CNGB3: variants seen among roughly 807,000 people sequenced by gnomAD.
CNGB3 encodes the protein cyclic nucleotide-gated channel beta-3.
A neutral mutation model predicts 92.8 loss-of-function variants in CNGB3; 86 were observed. That is an observed-to-expected ratio of 0.93 (90% confidence interval 0.78 to 1.11). CNGB3 has a LOEUF of 1.11. Among genes scored for constraint, CNGB3 ranks in the 50% least tolerant of loss-of-function variants. The pLI, the probability that CNGB3 is intolerant of heterozygous loss-of-function variation, is 0.00. For synonymous variants in CNGB3, 333 were observed against 332.7 expected (o/e 1.00, Z -0.01); for missense variants, 1,026 against 956.8 (o/e 1.07, Z -0.95).
chr8:86,679,912 A>C (rs780605024), intron 3 of CNGB3, among the ~76,000 whole-genome samples: 1 of 152,210 alleles, frequency 6.6e-6, no homozygotes, highest in Non-Finnish European at 1.5e-5. Flanking sequence ...ATATGGAAAT[A>C]CAGCAAGAAG....
chr8:86,659,618 C>G, intron 6 of CNGB3: 1 of 528,632 alleles, frequency 1.9e-6, no homozygotes, highest in Non-Finnish European at 3.7e-6. Context: ...CTCTCCCACA[C>G]GCGCCAGGAA....
chr8:86,593,508 A>T (rs1019519835), intron 15 of CNGB3, among the ~76,000 whole-genome samples: 1 of 152,164 alleles, frequency 6.6e-6, no homozygotes, highest in African/African-American at 2.4e-5. Flanking sequence ...TTATTTTCCT[A>T]TGTAATGACC....
rs1301348871 is a variant in CNGB3, at chr8:86,575,730, G to A, written c.*74C>T. ...GGGTCCCAGCATGTCGTTTCCCCTC[G>A]TTAATTTAAGTTACAATCCTAGGTA... On this transcript the variant is annotated 3_prime_UTR_variant, in exon 18 of 18. Transcript: ENST00000320005. 6.5e-6 allele frequency: 9 copies of A among 1,390,154 alleles called. No homozygotes were observed. The highest frequency in any genetic ancestry group is 4.7e-5 in the East Asian group (2 of 42,852). The allele number at this position is 1,390,154 out of a possible 1,614,324, so 86.1% of individuals were successfully genotyped here. A position where few individuals can be genotyped will look rare whatever the true frequency, so the allele number is the denominator to read the frequency against.
At chr8:86,624,856 A>G (rs1244058222) in intron 13 of CNGB3, among the ~76,000 whole-genome samples, 7 of 152,170 alleles carry the variant, frequency 4.6e-5, no homozygotes, top group African/African-American at 1.2e-4. Flanking sequence ...TGATTAAATC[A>G]CAGGGGCGGA....
chr8:86,594,050 G>T, intron 15 of CNGB3: 1 of 353,500 alleles, frequency 2.8e-6, no homozygotes, highest in Non-Finnish European at 5.5e-6. Flanking sequence ...CCCACAGTAA[G>T]CTAATACATG....
At chr8:86,657,989 G>A (rs1338960306) in intron 6 of CNGB3, 6 of 546,718 alleles carry the variant, frequency 1.1e-5, no homozygotes, top group South Asian at 5.9e-5. Context: ...TGGATGCAGC[G>A]ACGTTCCAGT....
At chr8:86,576,273 C>T (rs965927454) in intron 17 of CNGB3, 143 bp from the exon 18 acceptor site, 23 of 915,860 alleles carry the variant, frequency 2.5e-5, no homozygotes, top group Non-Finnish European at 3.9e-5. Context: ...GTCTGCTTTG[C>T]TTCTGACTAT....
chr8:86,654,205 C>A (rs1554612819), intron 6 of CNGB3, 143 bp from the exon 7 acceptor site: 3 of 664,220 alleles, frequency 4.5e-6, no homozygotes, highest in South Asian at 3.6e-5. Flanking sequence ...GGTATTAAAA[C>A]AAAAAATGTT....
intron 2 of CNGB3, among the ~76,000 whole-genome samples, chr8:86,732,070 G>T (rs976927997): frequency 4.6e-5 from 7 of 152,212 alleles, no homozygotes; most frequent in Admixed American, 1.3e-4. Flanking sequence ...AACATAAAAG[G>T]CCTTTTAAAG....
intron 6 of CNGB3, among the ~76,000 whole-genome samples, chr8:86,665,300 C>T (rs1023824687): frequency 6.6e-6 from 1 of 152,128 alleles, no homozygotes; most frequent in Non-Finnish European, 1.5e-5. Context: ...GAAAAGGGAG[C>T]ACTTATAAAC....
At chr8:86,662,062 C>G (rs1330587917) in intron 6 of CNGB3, 1 of 274,154 alleles carries the variant, frequency 3.6e-6, no homozygotes, top group Non-Finnish European at 6.8e-6. Flanking sequence ...GCGCTGCTGT[C>G]CCCGTGCCGC....
intron 14 of CNGB3, among the ~76,000 whole-genome samples, chr8:86,609,841 ATT>A (rs141374465): frequency 6.7e-6 from 1 of 149,052 alleles, no homozygotes; most frequent in South Asian, 2.1e-4. Flanking sequence ...TCCTGTCCAC[ATT>A]TTTTTTTTAA....
At chr8:86,663,775 C>T (rs1380228311) in intron 6 of CNGB3, among the ~76,000 whole-genome samples, 1 of 152,152 alleles carries the variant, frequency 6.6e-6, no homozygotes, top group Non-Finnish European at 1.5e-5. Flanking sequence ...ATTAAAGAAA[C>T]CATTAAACTT....
chr8:86,605,583 C>T (rs974363776), intron 14 of CNGB3, among the ~76,000 whole-genome samples: 3 of 152,060 alleles, frequency 2.0e-5, no homozygotes, highest in Non-Finnish European at 2.9e-5. Flanking sequence ...AAAATCAACT[C>T]GAGATTAAAA....
intron 3 of CNGB3, among the ~76,000 whole-genome samples, chr8:86,711,043 T>C (rs1253053113): frequency 1.3e-5 from 2 of 152,226 alleles, no homozygotes; most frequent in Non-Finnish European, 2.9e-5. Context: ...AATTTTAACT[T>C]ATTTTGGTAG....
chr8:86,717,155 A>G (rs1029594927), intron 3 of CNGB3, among the ~76,000 whole-genome samples: 3 of 152,214 alleles, frequency 2.0e-5, no homozygotes, highest in African/African-American at 7.2e-5. Flanking sequence ...GACTAGTCCA[A>G]GAGGAAAATA....
At chr8:86,654,292 T>TA (rs910144888) in intron 6 of CNGB3, among the ~76,000 whole-genome samples, 2 of 152,170 alleles carry the variant, frequency 1.3e-5, no homozygotes, top group African/African-American at 4.8e-5. Flanking sequence ...CTACCTGCTT[T>TA]ACTCTATATC....
intron 15 of CNGB3, among the ~76,000 whole-genome samples, chr8:86,603,414 C>T (rs1421105573): frequency 1.3e-5 from 2 of 152,080 alleles, no homozygotes; most frequent in Admixed American, 6.5e-5. Flanking sequence ...TCACAAAATG[C>T]TTAAATTTGC....
chr8:86,632,762 A>G lies in CNGB3; in HGVS notation c.1310T>C (p.Leu437Ser). ...TCATACTCAGCTTACCTGACCAATT[A>G]AACTGGAGAACACAAAAACTCCAGA... ...FFSGVFVFSS[L>S]IGQMRDVIGA... Residue 437 changes from leucine to serine, a missense_variant, in exon 11 of 18, where the codon TTA (leucine) becomes TCA (serine). Physicochemically the swap from Leu to Ser is moderately radical, Grantham distance 145. Transcript: ENST00000320005. 6 of 1,613,168 alleles carry G rather than the reference A, an allele frequency of 3.7e-6. No homozygotes were observed. The highest frequency in any genetic ancestry group is 5.1e-6 in the Non-Finnish European group (6 of 1,179,748).
Sources: gnomAD v4.1 joint callset for allele counts (sites outside exome capture counted in the v4.1 genomes callset) on GRCh38, gnomAD v4.1.1 for gene constraint, MANE v1.5 for transcripts, NCBI Gene and HGNC (gene_info 2026-07-23, HGNC 2026-07-21) for gene names.